Variants in MEMO1 observed in about 807,000 individuals in gnomAD.
The protein encoded by MEMO1 is protein MEMO1.
A neutral mutation model predicts 45.2 loss-of-function variants in MEMO1; 6 were observed. The observed-to-expected ratio is 0.13, with a 90% CI of 0.07 to 0.26. The LOEUF is 0.26. MEMO1 is among the 10% of genes least tolerant of loss of function. MEMO1 has a pLI of 1.00. For missense variants in MEMO1, 184 were observed against 370.5 expected (o/e 0.50, Z 4.13); for synonymous variants, 78 against 124.3 (o/e 0.63, Z 2.48).
At chr2:31,873,678 C>A (rs1181500997) in intron 8 of MEMO1, among the ~76,000 whole-genome samples, 1 of 152,072 alleles carries the variant, frequency 6.6e-6, no homozygotes, top group African/African-American at 2.4e-5. Context: ...AGAATCATAT[C>A]TTTTAATTCC....
chr2:31,919,052 A>G (rs1249886951), intron 5 of MEMO1, among the ~76,000 whole-genome samples: 1 of 152,010 alleles, frequency 6.6e-6, no homozygotes, highest in East Asian at 1.9e-4. Flanking sequence ...GCCTCAAATT[A>G]TGAAAACTTA....
chr2:31,923,470 A>G, intron 4 of MEMO1: 1 of 700,098 alleles, frequency 1.4e-6, no homozygotes, highest in Non-Finnish European at 2.1e-6. Flanking sequence ...AGTCAAATCT[A>G]TAGATTTCTA....
rs116796290 is a variant in MEMO1 at position 31,922,962 on chromosome 2, C to A, written c.213-2052G>T. The stretch of plus-strand genomic sequence containing the variant: ...GTGTACATATGTCTTTATGGCAGAA[C>A]AATTTACATTCCTTCAGGTACATAC... On this transcript the variant is annotated intron_variant, in intron 4 of 9. Coordinates refer to ENST00000404530, the MANE Select transcript of MEMO1 (RefSeq NM_001301833.4). 9.0e-3 allele frequency among the ~76,000 whole-genome samples: 1,368 copies of A among 152,118 alleles called. 21 individuals are homozygous for A. The highest frequency in any genetic ancestry group is 0.032 in the African/African-American group (1,309 of 41,506).
intron 2 of MEMO1, among the ~76,000 whole-genome samples, chr2:31,982,046 C>A (rs1389964383): frequency 4.6e-5 from 7 of 152,118 alleles, no homozygotes; most frequent in South Asian, 2.1e-4. Flanking sequence ...TGCCTGTAAT[C>A]CCAACACTTT....
intron 7 of MEMO1, among the ~76,000 whole-genome samples, chr2:31,884,660 G>C (rs1212407453): frequency 1.3e-5 from 2 of 152,134 alleles, no homozygotes; most frequent in African/African-American, 4.8e-5. Flanking sequence ...TTCATTTGTT[G>C]ATACTGATCA....
At chr2:31,970,875 G>T (rs1401685731) in intron 2 of MEMO1, among the ~76,000 whole-genome samples, 3 of 152,118 alleles carry the variant, frequency 2.0e-5, no homozygotes, top group Non-Finnish European at 4.4e-5. Context: ...ATGGTGGCAG[G>T]CACCTGAAAT....
intron 2 of MEMO1, among the ~76,000 whole-genome samples, chr2:31,980,047 C>T (rs1008063161): frequency 1.3e-5 from 2 of 151,032 alleles, no homozygotes; most frequent in African/African-American, 4.9e-5. Flanking sequence ...TGTCTTAACT[C>T]AGTTATCTAA....
chr2:31,935,928 T>C (rs1344110269), intron 3 of MEMO1, among the ~76,000 whole-genome samples: 1 of 152,044 alleles, frequency 6.6e-6, no homozygotes, highest in Non-Finnish European at 1.5e-5. Flanking sequence ...TGTAAAAGTG[T>C]GTCCCATTTA....
At chr2:31,968,779 G>A (rs1003588860) in intron 2 of MEMO1, among the ~76,000 whole-genome samples, 2 of 151,950 alleles carry the variant, frequency 1.3e-5, no homozygotes, top group Non-Finnish European at 2.9e-5. Flanking sequence ...ATTTGTCATT[G>A]TTGTCCATCA....
intron 3 of MEMO1, among the ~76,000 whole-genome samples, chr2:31,940,730 GT>G (rs936802206): frequency 6.6e-6 from 1 of 152,064 alleles, no homozygotes; most frequent in African/African-American, 2.4e-5. Flanking sequence ...ATGGAGTCTT[GT>G]TTTGTTGCCC....
At chr2:31,914,707 T>C (rs541430464) in intron 6 of MEMO1, among the ~76,000 whole-genome samples, 44 of 152,172 alleles carry the variant, frequency 2.9e-4, no homozygotes, top group Admixed American at 1.6e-3. Flanking sequence ...ACTAAGACAT[T>C]ACTTGGGAGG....
At chr2:31,914,414 G>C (rs1681100796) in intron 6 of MEMO1, among the ~76,000 whole-genome samples, 1 of 152,094 alleles carries the variant, frequency 6.6e-6, no homozygotes, top group South Asian at 2.1e-4. Flanking sequence ...AAATGAGTAA[G>C]AACTAGTATT....
intron 8 of MEMO1, among the ~76,000 whole-genome samples, chr2:31,881,495 T>TAAAAAAAAAAAAAAAAAAAAAAAAA (rs34058748): frequency 4.4e-5 from 3 of 68,444 alleles, no homozygotes; most frequent in African/African-American, 1.2e-4. Flanking sequence ...AGCCTGTCTT[T>TAAAAAAAAAAAAAAAAAAAAAAAAA]AAAAAAAAAA....
chr2:31,919,853 G>A (rs894270920), intron 5 of MEMO1, among the ~76,000 whole-genome samples: 13 of 151,258 alleles, frequency 8.6e-5, no homozygotes, highest in African/African-American at 1.2e-4. Flanking sequence ...TGTGTGTGTC[G>A]GGGTGTGTGT....
rs142791123 is a variant in MEMO1, at chr2:31,882,058, C to G, written c.657+1328G>C. Among the ~76,000 whole-genome samples the G allele has an allele frequency of 8.5e-3, 1,287 of 151,598 alleles. 12 individuals are homozygous for G. The highest frequency in any genetic ancestry group is 0.013 in the Non-Finnish European group (886 of 67,838). On this transcript the variant is annotated intron_variant, in intron 8 of 9. Coordinates refer to ENST00000404530, the MANE Select transcript of MEMO1 (RefSeq NM_001301833.4). Reference sequence around the variant, plus strand: ...ACTCAGGAGGCTGAGGTGGGAGAATCGCTTGAGCCCGGGAAGTAGAGGCTA... The same window carrying G: ...ACTCAGGAGGCTGAGGTGGGAGAATGGCTTGAGCCCGGGAAGTAGAGGCTA...
intron 8 of MEMO1, among the ~76,000 whole-genome samples, chr2:31,874,388 T>C (rs553841378): frequency 2.7e-4 from 41 of 152,120 alleles, no homozygotes; most frequent in Non-Finnish European, 5.3e-4. Context: ...AGATATCCTA[T>C]GCTACAGTTA....
intron 2 of MEMO1, among the ~76,000 whole-genome samples, chr2:32,005,904 G>A (rs1389623129): frequency 1.3e-5 from 2 of 152,178 alleles, no homozygotes; most frequent in Non-Finnish European, 2.9e-5. Flanking sequence ...CATTGGGGAG[G>A]CAAAGCACCA....
chr2:31,967,610 G>A (rs1668788343), intron 2 of MEMO1, among the ~76,000 whole-genome samples: 1 of 151,872 alleles, frequency 6.6e-6, no homozygotes, highest in South Asian at 2.1e-4. Context: ...CATCACACCT[G>A]GCTAATTATT....
intron 2 of MEMO1, among the ~76,000 whole-genome samples, chr2:31,979,594 C>T (rs1670403314): frequency 6.6e-6 from 1 of 151,940 alleles, no homozygotes; most frequent in Non-Finnish European, 1.5e-5. Flanking sequence ...GTACTTAATG[C>T]CTTGAACTAT....
Sources: gnomAD v4.1 joint callset for allele counts (sites outside exome capture counted in the v4.1 genomes callset) on GRCh38, gnomAD v4.1.1 for gene constraint, MANE v1.5 for transcripts, NCBI Gene and HGNC (gene_info 2026-07-23, HGNC 2026-07-21) for gene names.